DNAH10: variants seen among roughly 807,000 people sequenced by gnomAD.
The protein encoded by DNAH10 is axonemal beta dynein heavy chain 10.
A neutral mutation model predicts 506.6 loss-of-function variants in DNAH10; 348 were observed. The ratio of observed to expected loss-of-function variants is 0.69; its 90% confidence interval spans 0.63 to 0.75. The LOEUF (loss-of-function observed/expected upper bound fraction) is 0.75. DNAH10 is among the 30% of genes least tolerant of loss of function. The pLI is 0.00. For missense variants in DNAH10, 5,179 were observed against 5,787.1 expected (o/e 0.89, Z 3.41); for synonymous variants, 2,059 against 2,198.6 (o/e 0.94, Z 1.78).
Position 123,928,221 on chromosome 12 carries a change from AGATGGTTTATTT to A in DNAH10, c.12106-163_12106-152del. 1.3e-6 allele frequency: 1 copy of A among 763,548 alleles called. No individual in the cohort carries two copies. Among genetic ancestry groups the A allele is most frequent in the Non-Finnish European group, 2.1e-6 (1 of 484,040 alleles). The allele number at this position is 763,548 out of a possible 1,614,324, so 47.3% of individuals were successfully genotyped here. On this transcript the variant is annotated intron_variant, in intron 69 of 78. Coordinates refer to ENST00000673944, the MANE Select transcript of DNAH10 (RefSeq NM_001372106.1). This position sits in a 1 kb window ranked among gnomAD's most constrained non-coding sequence, Gnocchi z 4.9. The stretch of plus-strand genomic sequence containing the variant: ...CCACGGGGCCCATGGGGTTTCTCAA[AGATGGTTTATTT>A]GAAGGCTCCACCTGTAGCTCCTGGA...
chr12:123,804,881 T>TG lies in DNAH10; in HGVS notation c.2830dup (p.Asp944GlyfsTer18), dbSNP rs1048914782. ...ATTGAGCGAGAAAGGGCCAGCGACG[T>TG]GGACCACATGGTCCGGTGGTATCTT... is the stretch of plus-strand genomic sequence containing the variant. On this transcript the variant is annotated frameshift_variant, in exon 18 of 79. Transcript: ENST00000673944. LOFTEE classifies it high-confidence loss of function. 2.8e-5 allele frequency: 45 copies of TG among 1,613,320 alleles called. No individual in the cohort carries two copies. The highest frequency in any genetic ancestry group is 3.7e-5 in the Non-Finnish European group (44 of 1,180,026).
rs1565895127 is a variant in DNAH10 at position 123,781,159 on chromosome 12, CCT to C, written c.704_705del (p.Ser235Ter). 6.2e-7 allele frequency: 1 copy of C among 1,614,150 alleles called. No homozygotes were observed. Among genetic ancestry groups the C allele is most frequent in the Non-Finnish European group, 8.5e-7 (1 of 1,180,012 alleles). ...GTCACATCTGGAGAAGTCTCTAATT[CCT>C]CTGAGCATGAATCAGACCTGCCGCC... On this transcript the variant is annotated frameshift_variant, in exon 6 of 79. Transcript: ENST00000673944. LOFTEE classifies it high-confidence loss of function.
At position 123,897,933 on chromosome 12, in the gene DNAH10, A is replaced by G. The variant is rs1953330124; in HGVS notation, c.9444A>G (p.Ser3148=). 1.3e-6 allele frequency: 2 copies of G among 1,597,910 alleles called. No individual in the cohort carries two copies. Among genetic ancestry groups the G allele is most frequent in the Non-Finnish European group, 1.7e-6 (2 of 1,175,506 alleles). The change falls in exon 55 of 79, where the codon TCA becomes TCG. Residue 3148 remains serine (S), a synonymous_variant. Transcript: ENST00000673944. The stretch of plus-strand genomic sequence containing the variant: ...ACCTTGATTTTATTAACACCTATTC[A>G]AAATTGCTGGATGAGAAAACTCAGT... ...KNYLDFINTY[S]KLLDEKTQCN...
At position 123,762,671 on chromosome 12, in the gene DNAH10, A is replaced by G. The variant is rs1471091311; in HGVS notation, c.214+121A>G. 1.9e-6 allele frequency: 2 copies of G among 1,059,310 alleles called. No individual in the cohort carries two copies. The highest frequency in any genetic ancestry group is 2.6e-6 in the Non-Finnish European group (2 of 774,692). The allele number at this position is 1,059,310 out of a possible 1,614,324, so 65.6% of individuals were successfully genotyped here. A position where few individuals can be genotyped will look rare whatever the true frequency, so the allele number is the denominator to read the frequency against. On this transcript the variant is annotated intron_variant, in intron 1 of 78. Coordinates refer to ENST00000673944, the MANE Select transcript of DNAH10 (RefSeq NM_001372106.1). The surrounding 1 kb of genome is among the most constrained non-coding windows in gnomAD (Gnocchi z 5.0). ...CCGGCCCCGGCCTCAGGTGCTGTCC[A>G]CAAACGCTGCCGCCCGCCACGTGCA... is the stretch of plus-strand genomic sequence containing the variant.
chr12:123,858,914 A>T (rs2136833863), intron 37 of DNAH10, among the ~76,000 whole-genome samples: 1 of 152,264 alleles, frequency 6.6e-6, no homozygotes, highest in Admixed American at 6.5e-5. Flanking sequence ...AGTGGTTGCC[A>T]GGGGCTGGGG....
Position 123,928,652 on chromosome 12 carries a change from CTG to C in DNAH10, c.12306+66_12306+67del. ...CTTCTCAGAACACCTGCATGCTGCT[CTG>C]GGGCCGGGGTGTGCCTTTGTCTGTG... On this transcript the variant is annotated intron_variant, in intron 70 of 78. Coordinates refer to ENST00000673944, the MANE Select transcript of DNAH10 (RefSeq NM_001372106.1). This position sits in a 1 kb window ranked among gnomAD's most constrained non-coding sequence, Gnocchi z 4.9. The C allele has an allele frequency of 6.6e-7, 1 of 1,507,002 alleles. No individual in the cohort carries two copies. Among genetic ancestry groups the C allele is most frequent in the Non-Finnish European group, 8.9e-7 (1 of 1,118,250 alleles). 93.4% of individuals were successfully genotyped at this position (1,507,002 alleles called of 1,614,324 possible).
At chr12:123,768,270 G>A (rs1261962731) in intron 2 of DNAH10, among the ~76,000 whole-genome samples, 2 of 152,046 alleles carry the variant, frequency 1.3e-5, no homozygotes, top group Admixed American at 1.3e-4. Flanking sequence ...AAGTAGCTGC[G>A]ATCTCAGGCG....
rs770116938 is a variant in DNAH10 at position 123,784,195 on chromosome 12, C to T, written c.1230+18C>T. 14 of 1,600,590 alleles carry T rather than the reference C, an allele frequency of 8.7e-6. No individual in the cohort carries two copies. The highest frequency in any genetic ancestry group is 1.1e-5 in the Non-Finnish European group (13 of 1,167,714). ...ATTTCAAGGTATGCTGGGTGTGCTG[C>T]ACTTTGCAGTCAGCTCTGTCAAAGA... On this transcript the variant is annotated intron_variant, in intron 8 of 78. Transcript: ENST00000673944.
chr12:123,839,584 C>CT (rs1329780617), intron 29 of DNAH10, among the ~76,000 whole-genome samples: 2 of 151,324 alleles, frequency 1.3e-5, no homozygotes, highest in South Asian at 2.1e-4. Flanking sequence ...TGGTTTGTCT[C>CT]TTTTTTTTGT....
intron 18 of DNAH10, among the ~76,000 whole-genome samples, chr12:123,805,576 G>T (rs1029206721): frequency 6.6e-6 from 1 of 152,176 alleles, no homozygotes; most frequent in African/African-American, 2.4e-5. Context: ...CCCACAGACT[G>T]TTCTGGGGTG....
At chr12:123,879,944 G>A (rs540347966) in intron 50 of DNAH10, 143 bp downstream of exon 50, 16 of 1,011,146 alleles carry the variant, frequency 1.6e-5, no homozygotes, top group Middle Eastern at 3.3e-4. Flanking sequence ...TGTCTGGTCC[G>A]GTGGTTCCCA....
At chr12:123,894,089 T>C (rs925767426) in intron 53 of DNAH10, among the ~76,000 whole-genome samples, 25 of 120,026 alleles carry the variant, frequency 2.1e-4, no homozygotes, top group Admixed American at 1.1e-3. Context: ...ATCCTTTTTT[T>C]TTTTTTTTTT....
In DNAH10 at chr12:123,857,206, C is replaced by T; in HGVS notation, c.6589C>T (p.Gln2197Ter). The change falls in exon 37 of 79, where the codon CAG becomes TAG. Residue 2197 changes from glutamine to a stop codon, truncating the protein, a stop_gained. Transcript: ENST00000673944. LOFTEE classifies it high-confidence loss of function. Reference protein sequence around the residue: ...RYPDFNDAVEQVLEENGYAVL... With the variant: ...RYPDFNDAVE The stretch of plus-strand genomic sequence containing the variant: ...CCCTGACTTCAACGATGCGGTAGAG[C>T]AGGTCCTGGAGGAGAACGGCTACGC... 2 of 1,605,996 alleles carry T rather than the reference C, an allele frequency of 1.2e-6. No individual in the cohort carries two copies. Among genetic ancestry groups the T allele is most frequent in the Non-Finnish European group, 1.7e-6 (2 of 1,176,124 alleles).
At chr12:123,772,967 T>C in intron 4 of DNAH10, 25 bp downstream of exon 4, 1 of 1,538,502 alleles carries the variant, frequency 6.5e-7, no homozygotes, top group Non-Finnish European at 8.9e-7. Flanking sequence ...CGTGTGTGTG[T>C]ATGTGTGTTG....
Position 123,785,807 on chromosome 12 carries a change from C to G in DNAH10, c.1292C>G (p.Ala431Gly), listed in dbSNP as rs533763833. ...GACACCATCCCCGCCATGATGAGTG[C>G]CCTGCGGATGGTGTGGATCATCTCC... The part of the protein sequence containing the change: ...VLDTIPAMMS[A>G]LRMVWIISRH... The change falls in exon 9 of 79, where the codon GCC becomes GGC. Residue 431 changes from alanine to glycine, a missense_variant. Physicochemically the swap from Ala to Gly is moderately conservative, Grantham distance 60. This residue lies in a region of DNAH10 where 4,844 missense variants were observed against 5,430.5 expected (regional missense o/e 0.89). Coordinates refer to ENST00000673944, the MANE Select transcript of DNAH10 (RefSeq NM_001372106.1). The surrounding 1 kb of genome is among the most constrained non-coding windows in gnomAD (Gnocchi z 4.1). 3 of 1,614,154 alleles carry G rather than the reference C, an allele frequency of 1.9e-6. No homozygotes were observed. In the East Asian group the frequency reaches 6.7e-5, roughly 36 times the overall value.
At chr12:123,819,338 A>T (rs909021875) in intron 23 of DNAH10, 88 bp downstream of exon 23, 1 of 919,412 alleles carries the variant, frequency 1.1e-6, no homozygotes. Flanking sequence ...GCAAGTGATG[A>T]TGGTGCCGTG....
chr12:123,779,545 G>C (rs1206972675), intron 5 of DNAH10, among the ~76,000 whole-genome samples: 1 of 152,020 alleles, frequency 6.6e-6, no homozygotes, highest in Non-Finnish European at 1.5e-5. Context: ...CTAATAAACA[G>C]ACATTTTAGA....
chr12:123,876,209 T>C (rs1410872875), intron 47 of DNAH10, among the ~76,000 whole-genome samples: 1 of 152,184 alleles, frequency 6.6e-6, no homozygotes, highest in Admixed American at 6.5e-5. Flanking sequence ...GTTCATGCCC[T>C]ACCTGAAGGC....
At chr12:123,912,432 C>CTGTCCT (rs1954253640) in intron 59 of DNAH10, among the ~76,000 whole-genome samples, 1 of 41,546 alleles carries the variant, frequency 2.4e-5, no homozygotes, top group South Asian at 8.6e-4. Flanking sequence ...GTCTTTCCCG[C>CTGTCCT]AGGGGGTCTG....
Sources: gnomAD v4.1 joint callset for allele counts (sites outside exome capture counted in the v4.1 genomes callset) on GRCh38, gnomAD v4.1.1 for gene constraint, gnomAD v4.1.1 regional missense constraint, Gnocchi (gnomAD v3.1) non-coding constraint, MANE v1.5 for transcripts, NCBI Gene and HGNC (gene_info 2026-07-23, HGNC 2026-07-21) for gene names.